The following SYBU variants were observed in gnomAD, a reference collection of about 807,000 sequenced individuals.
SYBU encodes GOLSYN A protein.
In SYBU, 21 loss-of-function variants were observed where a neutral mutation model predicts 35.9. The ratio of observed to expected loss-of-function variants is 0.58; its 90% CI spans 0.41 to 0.84. The LOEUF is 0.84. SYBU is among the 40% of genes least tolerant of loss of function. The pLI, the probability that SYBU is intolerant of heterozygous loss-of-function variation, is 0.00. For synonymous variants in SYBU, 319 were observed against 324.3 expected (o/e 0.98, Z 0.18); for missense variants, 768 against 848.2 (o/e 0.91, Z 1.17).
At chr8:109,612,064 G>A (rs904831224) in intron 3 of SYBU, among the ~76,000 whole-genome samples, 4 of 152,118 alleles carry the variant, frequency 2.6e-5, no homozygotes, top group Non-Finnish European at 4.4e-5. Flanking sequence ...TACTATGGCC[G>A]CGGTTAAGAG....
At chr8:109,688,246 TTAAG>T (rs1817564783) in intron 1 of SYBU, among the ~76,000 whole-genome samples, 1 of 152,194 alleles carries the variant, frequency 6.6e-6, no homozygotes, top group Non-Finnish European at 1.5e-5. Flanking sequence ...ATGTGTTAAT[TTAAG>T]TAAGAATAAG....
At chr8:109,682,812 G>C (rs886454363), upstream of SYBU, among the ~76,000 whole-genome samples, 5 of 152,214 alleles carry the variant, frequency 3.3e-5, no homozygotes, top group Admixed American at 2.0e-4. Flanking sequence ...TCATGGGCCA[G>C]GCCCAGGGCT....
intron 2 of SYBU, among the ~76,000 whole-genome samples, chr8:109,625,568 T>C (rs58157543): frequency 0.054 from 8,279 of 152,126 alleles, 761 homozygotes; most frequent in African/African-American, 0.19. Context: ...ACTACAGGCT[T>C]AGGTCACTGT....
At chr8:109,608,889 T>C (rs1411260447) in intron 3 of SYBU, among the ~76,000 whole-genome samples, 1 of 152,208 alleles carries the variant, frequency 6.6e-6, no homozygotes, top group East Asian at 1.9e-4. Context: ...AGGATGTGCA[T>C]GTTTACCCCT....
At chr8:109,616,155 G>A (rs1346715813) in intron 3 of SYBU, among the ~76,000 whole-genome samples, 1 of 151,426 alleles carries the variant, frequency 6.6e-6, no homozygotes, top group Non-Finnish European at 1.5e-5. Flanking sequence ...GGGATTACAG[G>A]TACACACCAC....
At chr8:109,681,638 A>C (rs1817398794), upstream of SYBU, among the ~76,000 whole-genome samples, 1 of 152,196 alleles carries the variant, frequency 6.6e-6, no homozygotes. Flanking sequence ...TACGTAATTC[A>C]ATAACTGGGA....
intron 3 of SYBU, among the ~76,000 whole-genome samples, chr8:109,605,448 C>T (rs1224487457): frequency 6.6e-6 from 1 of 152,200 alleles, no homozygotes; most frequent in Non-Finnish European, 1.5e-5. Flanking sequence ...TTTTAAACCA[C>T]ATCCTACAAA....
At chr8:109,676,015 A>G (rs1447446538) in intron 1 of SYBU, among the ~76,000 whole-genome samples, 1 of 152,252 alleles carries the variant, frequency 6.6e-6, no homozygotes, top group African/African-American at 2.4e-5. Flanking sequence ...AATCCATCAC[A>G]TAAACAGAGC....
chr8:109,679,857 G>A (rs527788076), intron 1 of SYBU, among the ~76,000 whole-genome samples: 1 of 152,278 alleles, frequency 6.6e-6, no homozygotes, highest in South Asian at 2.1e-4. Flanking sequence ...ATGCCAAATG[G>A]TATTGGAGCC....
chr8:109,686,408 A>G (rs997049117), intron 1 of SYBU, among the ~76,000 whole-genome samples: 3 of 152,250 alleles, frequency 2.0e-5, no homozygotes, highest in Non-Finnish European at 4.4e-5. Context: ...GTGGAAAAAC[A>G]TAATGGCCCT....
chr8:109,690,112 G>A (rs974447592), intron 1 of SYBU, among the ~76,000 whole-genome samples: 13 of 152,192 alleles, frequency 8.5e-5, no homozygotes, highest in East Asian at 3.9e-4. Context: ...ATTGAAGAGC[G>A]TATTTTAAAT....
intron 3 of SYBU, among the ~76,000 whole-genome samples, chr8:109,614,823 T>G (rs1425315191): frequency 6.6e-6 from 1 of 152,236 alleles, no homozygotes; most frequent in Non-Finnish European, 1.5e-5. Context: ...TAAATCTGCA[T>G]AGGCATTAAG....
At chr8:109,623,026 C>T (rs979231780) in intron 2 of SYBU, among the ~76,000 whole-genome samples, 5 of 136,520 alleles carry the variant, frequency 3.7e-5, no homozygotes, top group East Asian at 2.3e-4. Flanking sequence ...GGAGCGTGCG[C>T]GCGCGCACAC....
intron 2 of SYBU, among the ~76,000 whole-genome samples, chr8:109,637,556 TA>T (rs112534361): frequency 0.028 from 4,317 of 152,302 alleles, 206 homozygotes; most frequent in African/African-American, 0.097. Context: ...TAGGTCTCAT[TA>T]AAGTGATACT....
intron 3 of SYBU, among the ~76,000 whole-genome samples, chr8:109,596,251 TCAGATA>T (rs1228649076): frequency 1.3e-5 from 2 of 152,378 alleles, no homozygotes; most frequent in African/African-American, 2.4e-5. Flanking sequence ...TAAAAGAGTC[TCAGATA>T]CAAAGAACTG....
intron 3 of SYBU, among the ~76,000 whole-genome samples, chr8:109,611,134 A>G (rs1811120683): frequency 6.6e-6 from 1 of 152,192 alleles, no homozygotes; most frequent in South Asian, 2.1e-4. Flanking sequence ...AATGGTGGGT[A>G]TCTGGTCTGC....
In SYBU at chr8:109,586,091, C is replaced by T. The variant is rs35788012; in HGVS notation, c.499G>A (p.Ala167Thr). 2.1e-3 allele frequency: 3,378 copies of T among 1,611,970 alleles called. 61 individuals are homozygous for T. In the African/African-American group the frequency reaches 0.04, roughly 19 times the overall value. The change falls in exon 4 of 7, where the codon GCG becomes ACG. Residue 167 changes from alanine (A) to threonine (T), a missense_variant. By Grantham distance (58) the Ala-to-Thr change is moderately conservative (BLOSUM62 0). Transcript: ENST00000276646. ...GAAGAAGAAGACCGCTTGCTTCCCGCAGTCGACATATGGACCTCAGGAGCG... is the reference window on the plus strand; with the variant it reads ...GAAGAAGAAGACCGCTTGCTTCCCGTAGTCGACATATGGACCTCAGGAGCG... ...ISAPEVHMST[A>T]GSKRSSSSRN...
chr8:109,595,691 G>C (rs570979346), intron 3 of SYBU, among the ~76,000 whole-genome samples: 1 of 152,332 alleles, frequency 6.6e-6, no homozygotes, highest in Non-Finnish European at 1.5e-5. Flanking sequence ...CAGGACTGTA[G>C]CATGCAGAGC....
At chr8:109,579,625 C>T (rs1217093142) in intron 5 of SYBU, among the ~76,000 whole-genome samples, 174 bp downstream of exon 5, 2 of 152,128 alleles carry the variant, frequency 1.3e-5, no homozygotes, top group Non-Finnish European at 2.9e-5. Flanking sequence ...TTGTGGCTTG[C>T]GCTCTTTCTG....
Sources: allele counts gnomAD v4.1 joint callset (sites outside exome capture counted in the v4.1 genomes callset), GRCh38; gene constraint gnomAD v4.1.1; transcripts MANE v1.5; gene names NCBI Gene and HGNC (gene_info 2026-07-23, HGNC 2026-07-21).